Variants in COX7A2L observed in about 807,000 individuals in gnomAD.
COX7A2L encodes cytochrome c oxidase subunit 7A2-like, mitochondrial.
A neutral mutation model predicts 14.2 loss-of-function variants in COX7A2L; 18 were observed. The ratio of observed to expected loss-of-function variants is 1.27; its 90% CI spans 0.88 to 1.88. The LOEUF (loss-of-function observed/expected upper bound fraction) is 1.88. Among genes scored for constraint, COX7A2L ranks in the 40% most tolerant of loss-of-function variants. The pLI is 0.00. For synonymous variants in COX7A2L, 65 were observed against 57.4 expected (o/e 1.13, Z -0.60); for missense variants, 179 against 138.8 (o/e 1.29, Z -1.46).
intron 2 of COX7A2L, among the ~76,000 whole-genome samples, chr2:42,340,238 C>A (rs1185784349): frequency 6.6e-6 from 1 of 152,158 alleles, no homozygotes; most frequent in Non-Finnish European, 1.5e-5. Flanking sequence ...ACCCCAGAGA[C>A]AACCTCCCCT....
intron 1 of COX7A2L, among the ~76,000 whole-genome samples, chr2:42,366,342 T>G (rs1047723094): frequency 2.6e-5 from 4 of 152,214 alleles, no homozygotes; most frequent in Admixed American, 2.0e-4. Flanking sequence ...GAGGATCACC[T>G]GAGCCCAGGA....
intron 2 of COX7A2L, among the ~76,000 whole-genome samples, chr2:42,341,266 C>A (rs1361462925): frequency 6.6e-6 from 1 of 152,092 alleles, no homozygotes; most frequent in East Asian, 1.9e-4. Flanking sequence ...CTCACATCTA[C>A]CCCTTGGCAG....
At chr2:42,337,031 C>T (rs969604403) in intron 2 of COX7A2L, among the ~76,000 whole-genome samples, 2 of 152,192 alleles carry the variant, frequency 1.3e-5, no homozygotes, top group Non-Finnish European at 2.9e-5. Context: ...AGAGCAAAGT[C>T]AGGTTCCCTC....
intron 1 of COX7A2L, chr2:42,359,442 A>G (rs1041177803): frequency 6.6e-6 from 1 of 152,238 alleles, no homozygotes; most frequent in African/African-American, 2.4e-5. Context: ...ATCAAACTGT[A>G]ACATTTAATA....
At chr2:42,368,910 T>A (rs1230452932) in exon 1 of COX7A2L, 1 of 152,208 alleles carries the variant, frequency 6.6e-6, no homozygotes, top group African/African-American at 2.4e-5. Flanking sequence ...GCTTCTCACA[T>A]CCCCAGCAGT....
intron 1 of COX7A2L, among the ~76,000 whole-genome samples, chr2:42,366,982 G>A (rs931892193): frequency 6.6e-6 from 1 of 152,180 alleles, no homozygotes; most frequent in Non-Finnish European, 1.5e-5. Flanking sequence ...CCAAAGAGAG[G>A]AGTTGGGTAT....
chr2:42,355,222 C>T (rs996276595), intron 1 of COX7A2L, among the ~76,000 whole-genome samples: 1 of 152,178 alleles, frequency 6.6e-6, no homozygotes, highest in Non-Finnish European at 1.5e-5. Context: ...GAGAGGCAAA[C>T]AGGGGCTCTA....
chr2:42,353,860 CATAA>C (rs1185987120), intron 1 of COX7A2L, among the ~76,000 whole-genome samples: 2 of 152,308 alleles, frequency 1.3e-5, no homozygotes, highest in East Asian at 3.9e-4. Context: ...AACTTTTCAG[CATAA>C]ATAAACACAT....
In COX7A2L at chr2:42,342,463, G is replaced by A. The variant is rs1230877619; in HGVS notation, c.193-8594C>T. Among the ~76,000 whole-genome samples the A allele has an allele frequency of 6.6e-6, 1 of 152,120 alleles. No individual in the cohort carries two copies. The highest frequency in any genetic ancestry group is 2.4e-5 in the African/African-American group (1 of 41,412). On this transcript the variant is annotated intron_variant, in intron 2 of 2. Coordinates refer to the COX7A2L transcript ENST00000468711. The surrounding 1 kb of genome is among the most constrained non-coding windows in gnomAD (Gnocchi z 4.9). The stretch of plus-strand genomic sequence containing the variant: ...CTCCTTCCCTGCCTTGGAAAACCCA[G>A]GTCCCTAACTCCATCTGCTTTACTT...
At position 42,360,095 on chromosome 2, in the gene COX7A2L, C is replaced by T. The variant is rs1323465520; in HGVS notation, c.72+995G>A. ...CCCACAGAAAAAGGAAATGAAGCAA[C>T]AGTAATGGAGTATCCTTTACACCTC... is the stretch of plus-strand genomic sequence containing the variant. On this transcript the variant is annotated intron_variant, in intron 1 of 2. Transcript: ENST00000234301. The T allele has an allele frequency of 3.3e-5, 5 of 152,284 alleles. 1 individual carries two copies. The East Asian group carries it at 7.7e-4, about 23-fold the overall frequency. The allele number at this position is 152,284 out of a possible 1,614,324, so 9.4% of individuals were successfully genotyped here. A position where few individuals can be genotyped will look rare whatever the true frequency, so the allele number is the denominator to read the frequency against.
At chr2:42,351,493 G>T in intron 2 of COX7A2L, 134 bp from the exon 3 acceptor site, 1 of 1,000,370 alleles carries the variant, frequency 1.0e-6, no homozygotes, top group Non-Finnish European at 1.4e-6. Flanking sequence ...ACTAATCCAT[G>T]GAATGCTAGT....
intron 1 of COX7A2L, among the ~76,000 whole-genome samples, chr2:42,360,510 G>C (rs900825053): frequency 6.6e-6 from 1 of 152,132 alleles, no homozygotes. Context: ...CAAACAACGA[G>C]CATCTGTCAA....
Position 42,361,209 on chromosome 2 carries a change from C to A in COX7A2L, c.-48G>T, listed in dbSNP as rs753828368. 2 of 1,534,808 alleles carry A rather than the reference C, an allele frequency of 1.3e-6. No individual in the cohort carries two copies. The highest frequency in any genetic ancestry group is 1.9e-5 in the Admixed American group (1 of 52,104). Reference sequence around the variant, plus strand: ...GCATCCGCTGCCAACGCGACCGCCCCAGAGAAGGACCCCGCCTCCCCGGCT... The same window carrying A: ...GCATCCGCTGCCAACGCGACCGCCCAAGAGAAGGACCCCGCCTCCCCGGCT... On this transcript the variant is annotated 5_prime_UTR_variant, in exon 1 of 3. Transcript: ENST00000234301.
chr2:42,344,804 TTGCGCCAC>T (rs1402864987), downstream of COX7A2L, among the ~76,000 whole-genome samples: 1 of 151,180 alleles, frequency 6.6e-6, no homozygotes, highest in Admixed American at 6.6e-5. Flanking sequence ...TGAGCTGAGA[TTGCGCCAC>T]TGTACTCCAG....
At chr2:42,362,511 T>C (rs574868230), upstream of COX7A2L, among the ~76,000 whole-genome samples, 55 of 152,320 alleles carry the variant, frequency 3.6e-4, no homozygotes, top group African/African-American at 1.1e-3. Flanking sequence ...AGAAGCTAAG[T>C]AACTTGCTCA....
chr2:42,355,391 C>A (rs1670783694), intron 1 of COX7A2L, among the ~76,000 whole-genome samples: 1 of 152,168 alleles, frequency 6.6e-6, no homozygotes, highest in South Asian at 2.1e-4. Flanking sequence ...TACCAAGGAT[C>A]TCCAAAAATG....
chr2:42,352,173 T>A (rs1228796454), intron 2 of COX7A2L, among the ~76,000 whole-genome samples: 1 of 152,160 alleles, frequency 6.6e-6, no homozygotes, highest in East Asian at 1.9e-4. Context: ...AATCATCATC[T>A]TCATCATCAT....
At chr2:42,365,425 G>A (rs1040349957), upstream of COX7A2L, among the ~76,000 whole-genome samples, 2 of 152,054 alleles carry the variant, frequency 1.3e-5, no homozygotes, top group Admixed American at 6.5e-5. Flanking sequence ...TCAGGAGTTC[G>A]GGACCAGCCT....
At chr2:42,364,778 A>T (rs2103920492), upstream of COX7A2L, among the ~76,000 whole-genome samples, 1 of 152,296 alleles carries the variant, frequency 6.6e-6, no homozygotes, top group Non-Finnish European at 1.5e-5. Context: ...TGAATGGCTC[A>T]TTTCTCACCC....
Sources: allele counts gnomAD v4.1 joint callset (sites outside exome capture counted in the v4.1 genomes callset), GRCh38; gene constraint gnomAD v4.1.1; non-coding constraint Gnocchi (gnomAD v3.1); transcripts MANE v1.5; gene names NCBI Gene and HGNC (gene_info 2026-07-23, HGNC 2026-07-21).